ZNF652: variants seen among roughly 807,000 people sequenced by gnomAD.
ZNF652 encodes zinc finger protein 652.
Under a neutral mutation model 45.2 loss-of-function variants are expected in ZNF652, and 16 were observed. The observed-to-expected ratio is 0.35, with a 90% confidence interval of 0.24 to 0.54. The LOEUF is 0.54. Ranked by LOEUF, ZNF652 falls within the 20% of genes least tolerant of loss-of-function variation. The probability of loss-of-function intolerance (pLI) is 0.91; values close to 1 mark genes in which losing one functional copy is unlikely to be tolerated. For missense variants in ZNF652, 614 were observed against 765.6 expected, an observed-to-expected ratio of 0.80 and a Z score of 2.34; for synonymous variants, 250 against 260.6, an observed-to-expected ratio of 0.96 and a Z score of 0.39.
chr17:49,354,720 ATTTC>A (rs1401222325), intron 1 of ZNF652, among the ~76,000 whole-genome samples: 2 of 151,836 alleles, frequency 1.3e-5, no homozygotes, highest in Non-Finnish European at 2.9e-5. Context: ...TACCTAGCTT[ATTTC>A]TTTTTCTTTT....
At chr17:49,355,022 G>A (rs971060627) in intron 1 of ZNF652, among the ~76,000 whole-genome samples, 3 of 151,958 alleles carry the variant, frequency 2.0e-5, no homozygotes, top group Non-Finnish European at 4.4e-5. Context: ...CACTGCACCC[G>A]GCCACATCGG....
chr17:49,361,693 G>A (rs2070396883), intron 1 of ZNF652, among the ~76,000 whole-genome samples: 2 of 152,146 alleles, frequency 1.3e-5, no homozygotes, highest in Admixed American at 1.3e-4. Flanking sequence ...GCAGGAGCGG[G>A]GCGCCCCCAG....
At chr17:49,357,779 AG>A (rs2070352844) in intron 1 of ZNF652, among the ~76,000 whole-genome samples, 2 of 152,208 alleles carry the variant, frequency 1.3e-5, no homozygotes, top group Admixed American at 6.5e-5. Context: ...GCTTAAAACA[AG>A]CACAGCCTAT....
chr17:49,310,048 G>A (rs1207430225), intron 5 of ZNF652, among the ~76,000 whole-genome samples: 2 of 152,150 alleles, frequency 1.3e-5, no homozygotes, highest in Non-Finnish European at 2.9e-5. Flanking sequence ...CCGCCTCCTG[G>A]GTTCACGCCA....
rs1159604434 is a variant in ZNF652 at position 49,290,031 on chromosome 17, T to C, written c.*8382A>G. 1.3e-5 allele frequency: 2 copies of C among 152,146 alleles called. No homozygotes were observed. Among genetic ancestry groups the C allele is most frequent in the Non-Finnish European group, 2.9e-5 (2 of 68,002 alleles). The allele number at this position is 152,146 out of a possible 1,614,324, so 9.4% of individuals were successfully genotyped here. ...TCAGTACTGTTGGGGAAAACAAAAA[T>C]AAAAACAAACAAGTTGCACCTGGCC... On this transcript the variant is annotated 3_prime_UTR_variant, in exon 6 of 6. Coordinates refer to ENST00000430262, the MANE Select transcript of ZNF652 (RefSeq NM_001145365.3).
chr17:49,311,487 GC>G (rs1248651645), intron 4 of ZNF652, 31 bp from the exon 5 acceptor site: 2 of 1,603,686 alleles, frequency 1.2e-6, no homozygotes, highest in Non-Finnish European at 1.7e-6. Context: ...ATTTTTGAAT[GC>G]CAAGCATAGT....
At chr17:49,357,995 T>G (rs998291023) in intron 1 of ZNF652, among the ~76,000 whole-genome samples, 1 of 152,252 alleles carries the variant, frequency 6.6e-6, no homozygotes, top group African/African-American at 2.4e-5. Flanking sequence ...AATCTTGTCA[T>G]AAGACAAAAT....
chr17:49,306,007 C>A (rs1174065297), intron 5 of ZNF652, among the ~76,000 whole-genome samples: 1 of 152,198 alleles, frequency 6.6e-6, no homozygotes, highest in Admixed American at 6.6e-5. Context: ...TAAAGCTAAT[C>A]CTTCTCTAAA....
chr17:49,325,545 T>C (rs750825524), intron 1 of ZNF652, among the ~76,000 whole-genome samples: 3 of 152,038 alleles, frequency 2.0e-5, no homozygotes, highest in Admixed American at 6.6e-5. Context: ...AAAATGATAC[T>C]GGTAGACTTG....
Position 49,317,226 on chromosome 17 carries a change from T to A in ZNF652, c.500A>T (p.Asn167Ile). ...CTGCTTTTCATTCTCTCCATAGTCA[T>A]TGCTGTCATCTGTGGCCTCTTCCTC... The part of the protein sequence containing the change: ...ESEEEATDDS[N>I]DYGENEKQKK... The change falls in exon 2 of 6, where the codon AAT (asparagine) becomes ATT (isoleucine). Residue 167 changes from asparagine to isoleucine, a missense_variant. Transcript: ENST00000430262. 1 of 1,613,474 alleles carries A rather than the reference T, an allele frequency of 6.2e-7. No individual in the cohort carries two copies. Among genetic ancestry groups the A allele is most frequent in the Non-Finnish European group, 8.5e-7 (1 of 1,180,020 alleles).
At chr17:49,327,805 A>T (rs1468983601) in intron 1 of ZNF652, among the ~76,000 whole-genome samples, 1 of 94,824 alleles carries the variant, frequency 1.1e-5, no homozygotes, top group African/African-American at 3.8e-5. Context: ...TTTAGTAGAG[A>T]TAGGGTTTCA....
intron 1 of ZNF652, among the ~76,000 whole-genome samples, chr17:49,344,187 C>T (rs1418863066): frequency 2.8e-5 from 4 of 142,684 alleles, no homozygotes; most frequent in African/African-American, 7.7e-5. Context: ...GGGGACAGAG[C>T]GAGACTCCGT....
intron 5 of ZNF652, among the ~76,000 whole-genome samples, chr17:49,304,182 G>A (rs2069595872): frequency 6.6e-6 from 1 of 151,214 alleles, no homozygotes; most frequent in African/African-American, 2.4e-5. Flanking sequence ...TTACAGGTGT[G>A]AGCCACCACA....
Position 49,317,124 on chromosome 17 carries a change from G to C in ZNF652, c.602C>G (p.Ala201Gly). Residue 201 changes from alanine (A) to glycine (G), a missense_variant, in exon 2 of 6, where the codon GCT becomes GGT. By Grantham distance (60) the Ala-to-Gly change is moderately conservative. Transcript: ENST00000430262. ...RTRRAASVAA[A>G]TTSPTPRTTR... Reference sequence around the variant, plus strand: ...AGTTCTGGGAGTAGGGGAAGTGGTAGCTGCGGCAACAGAGGCAGCTCTCCT... The same window carrying C: ...AGTTCTGGGAGTAGGGGAAGTGGTACCTGCGGCAACAGAGGCAGCTCTCCT... The C allele has an allele frequency of 1.2e-6, 2 of 1,614,062 alleles. No individual in the cohort carries two copies. The highest frequency in any genetic ancestry group is 1.7e-6 in the Non-Finnish European group (2 of 1,180,028).
At chr17:49,327,826 C>A (rs913475838) in intron 1 of ZNF652, among the ~76,000 whole-genome samples, 22 of 139,632 alleles carry the variant, frequency 1.6e-4, no homozygotes, top group Middle Eastern at 4.1e-3. Flanking sequence ...CCATGTTGTC[C>A]AGGCTGGTCT....
chr17:49,336,113 C>CT (rs1238646388), intron 1 of ZNF652, among the ~76,000 whole-genome samples: 4 of 152,076 alleles, frequency 2.6e-5, no homozygotes, highest in Admixed American at 1.3e-4. Context: ...CAACCTCCGC[C>CT]TCCTGGGTTC....
At chr17:49,337,242 G>T (rs548083050) in intron 1 of ZNF652, among the ~76,000 whole-genome samples, 75 of 150,996 alleles carry the variant, frequency 5.0e-4, no homozygotes, top group African/African-American at 1.8e-3. Context: ...AGGCTGAGGT[G>T]GGAGGATCAC....
At chr17:49,341,765 A>C (rs373968688) in intron 1 of ZNF652, among the ~76,000 whole-genome samples, 8 of 152,320 alleles carry the variant, frequency 5.3e-5, no homozygotes, top group African/African-American at 1.9e-4. Flanking sequence ...ATCATTCCGT[A>C]ATTAAAACAC....
At position 49,293,547 on chromosome 17, in the gene ZNF652, G is replaced by C. The variant is rs1461004898; in HGVS notation, c.*4866C>G. Reference sequence around the variant, plus strand: ...TCGAGGTAGTGTCCAGGGTTGGAAGGTCATCATTCTTTATTGTAAGTGCTA... The same window carrying C: ...TCGAGGTAGTGTCCAGGGTTGGAAGCTCATCATTCTTTATTGTAAGTGCTA... On this transcript the variant is annotated 3_prime_UTR_variant, in exon 6 of 6. Coordinates refer to ENST00000430262, the MANE Select transcript of ZNF652 (RefSeq NM_001145365.3). Among the ~76,000 whole-genome samples, 1 of 150,808 alleles carries C rather than the reference G, an allele frequency of 6.6e-6. No homozygotes were observed. Among genetic ancestry groups the C allele is most frequent in the Non-Finnish European group, 1.5e-5 (1 of 67,860 alleles).
Sources: allele counts gnomAD v4.1 joint callset (sites outside exome capture counted in the v4.1 genomes callset), GRCh38; gene constraint gnomAD v4.1.1; transcripts MANE v1.5; gene names NCBI Gene and HGNC (gene_info 2026-07-23, HGNC 2026-07-21).